The following PCDHGA1 variants were observed in gnomAD, a reference collection of about 807,000 sequenced individuals.
PCDHGA1 encodes the protein protocadherin gamma subfamily A, 1, also known as protocadherin gamma-A1.
Under a neutral mutation model 58.0 loss-of-function variants are expected in PCDHGA1, and 32 were observed. That is an observed-to-expected ratio of 0.55 (90% CI 0.42 to 0.74). PCDHGA1 has a LOEUF of 0.74. PCDHGA1 is among the 30% of genes least tolerant of loss of function. The pLI is 0.00. For synonymous variants in PCDHGA1, 498 were observed against 501.1 expected (o/e 0.99, Z 0.08); for missense variants, 1,205 against 1,182.3 (o/e 1.02, Z -0.28).
At chr5:141,478,570 G>T (rs1255499966) in intron 1 of PCDHGA1, 1 of 1,590,156 alleles carries the variant, frequency 6.3e-7, no homozygotes, top group Admixed American at 1.8e-5. Context: ...AGTCATGCTT[G>T]ACCCTGTTAG....
chr5:141,364,416 G>A, intron 1 of PCDHGA1: 2 of 1,613,312 alleles, frequency 1.2e-6, no homozygotes, highest in Non-Finnish European at 1.7e-6. Context: ...CCAGGATCCG[G>A]GCAGATCCGC....
At chr5:141,363,892 G>C (rs1763101718) in intron 1 of PCDHGA1, among the ~76,000 whole-genome samples, 1 of 152,144 alleles carries the variant, frequency 6.6e-6, no homozygotes, top group Non-Finnish European at 1.5e-5. Flanking sequence ...AGGCTCCCCC[G>C]ATGACGCATT....
intron 1 of PCDHGA1, among the ~76,000 whole-genome samples, chr5:141,368,255 T>G (rs1354188654): frequency 1.3e-5 from 2 of 152,202 alleles, no homozygotes; most frequent in Non-Finnish European, 2.9e-5. Context: ...GAAAGGTTAA[T>G]TGACACATTA....
At chr5:141,382,318 T>C (rs1233432296) in intron 1 of PCDHGA1, among the ~76,000 whole-genome samples, 2 of 152,250 alleles carry the variant, frequency 1.3e-5, no homozygotes, top group Non-Finnish European at 2.9e-5. Context: ...TACACTGATG[T>C]AAATATTTTC....
intron 1 of PCDHGA1, chr5:141,409,866 G>A (rs1268327848): frequency 3.7e-6 from 6 of 1,612,258 alleles, no homozygotes; most frequent in East Asian, 4.5e-5. Context: ...GTGGGAGACC[G>A]CAATGACAAC....
chr5:141,409,412 C>A, intron 1 of PCDHGA1: 1 of 1,614,032 alleles, frequency 6.2e-7, no homozygotes, highest in Non-Finnish European at 8.5e-7. Flanking sequence ...CTACTACAAA[C>A]TGGTGACAGA....
chr5:141,365,827 G>A (rs746773273), intron 1 of PCDHGA1: 1 of 1,613,872 alleles, frequency 6.2e-7, no homozygotes, highest in Admixed American at 1.7e-5. Context: ...TTCAGGGGGC[G>A]CCCTTGTCCT....
At position 141,383,174 on chromosome 5, in the gene PCDHGA1, G is replaced by C. The variant is rs771829169; in HGVS notation, c.2421+50069G>C. The C allele has an allele frequency of 1.1e-5, 18 of 1,613,966 alleles. No individual in the cohort carries two copies. Among genetic ancestry groups the C allele is most frequent in the Non-Finnish European group, 1.3e-5 (15 of 1,179,984 alleles). On this transcript the variant is annotated intron_variant, in intron 1 of 3. Coordinates refer to ENST00000517417, the MANE Select transcript of PCDHGA1 (RefSeq NM_018912.3). ...TTGGTCACTGCGGGCAGGATAGACC[G>C]GGAAGAGATCTGCGCTCAGAGTGCG...
At chr5:141,349,209 A>G (rs1758253603) in intron 1 of PCDHGA1, among the ~76,000 whole-genome samples, 2 of 150,278 alleles carry the variant, frequency 1.3e-5, no homozygotes, top group African/African-American at 5.0e-5. Flanking sequence ...AGCTGGCGTT[A>G]CAGGTACCCG....
intron 1 of PCDHGA1, chr5:141,478,865 T>G: frequency 7.5e-7 from 1 of 1,326,190 alleles, no homozygotes; most frequent in Non-Finnish European, 1.0e-6. Context: ...ATCTCAGCGA[T>G]CAGAGTTTAG....
At chr5:141,496,011 T>G (rs1232125559) in intron 2 of PCDHGA1, among the ~76,000 whole-genome samples, 1 of 152,114 alleles carries the variant, frequency 6.6e-6, no homozygotes, top group African/African-American at 2.4e-5. Flanking sequence ...ATCTTGTCTT[T>G]TTTCTCTGAG....
At chr5:141,426,882 C>A (rs528411309) in intron 1 of PCDHGA1, 1 of 456,664 alleles carries the variant, frequency 2.2e-6, no homozygotes, top group African/African-American at 2.0e-5. Context: ...GCCCCTGGGC[C>A]AGGAGCAACA....
chr5:141,341,036 C>T, intron 1 of PCDHGA1: 1 of 1,614,138 alleles, frequency 6.2e-7, no homozygotes, highest in Non-Finnish European at 8.5e-7. Flanking sequence ...CGATTCGGAC[C>T]TCACTCTGTA....
At chr5:141,408,683 G>C in intron 1 of PCDHGA1, 2 of 1,613,906 alleles carry the variant, frequency 1.2e-6, no homozygotes, top group Non-Finnish European at 1.7e-6. Flanking sequence ...CACGGATCCT[G>C]ATATAAACAT....
At chr5:141,416,870 A>G (rs1315073474) in intron 1 of PCDHGA1, 4 of 152,154 alleles carry the variant, frequency 2.6e-5, no homozygotes, top group Non-Finnish European at 5.9e-5. Flanking sequence ...GTCAGTCAAC[A>G]TTTGTTGAAT....
intron 1 of PCDHGA1, among the ~76,000 whole-genome samples, chr5:141,455,082 G>A (rs1323760148): frequency 1.3e-5 from 2 of 151,932 alleles, no homozygotes; most frequent in African/African-American, 2.4e-5. Context: ...AAAGTGCTGG[G>A]ATTACAGGCT....
intron 1 of PCDHGA1, chr5:141,345,480 A>C (rs1261001131): frequency 3.7e-6 from 6 of 1,613,926 alleles, no homozygotes; most frequent in East Asian, 2.2e-5. Flanking sequence ...AGATAGCAAC[A>C]ACAACGCCCG....
intron 1 of PCDHGA1, chr5:141,356,065 T>C (rs745777482): frequency 1.2e-6 from 2 of 1,613,808 alleles, no homozygotes; most frequent in South Asian, 2.2e-5. Flanking sequence ...AGACAAAATA[T>C]CACAGCTATT....
chr5:141,351,902 G>T, intron 1 of PCDHGA1: 1 of 1,613,444 alleles, frequency 6.2e-7, no homozygotes, highest in Non-Finnish European at 8.5e-7. Context: ...GCGCGTGTTG[G>T]TGGGCGACCT....
Sources: gnomAD v4.1 joint callset for allele counts (sites outside exome capture counted in the v4.1 genomes callset) on GRCh38, gnomAD v4.1.1 for gene constraint, MANE v1.5 for transcripts, NCBI Gene and HGNC (gene_info 2026-07-23, HGNC 2026-07-21) for gene names.